Variants in AGBL2 observed in about 807,000 individuals in gnomAD.
AGBL2 encodes the protein cytosolic carboxypeptidase 2.
In AGBL2, 87 loss-of-function variants were observed where a neutral mutation model predicts 103.0. That is an observed-to-expected ratio of 0.84 (90% CI 0.71 to 1.01). The LOEUF is 1.01. Ranked by LOEUF, AGBL2 falls within the 50% of genes least tolerant of loss-of-function variation. The pLI, the probability that AGBL2 is intolerant of heterozygous loss-of-function variation, is 0.00. For missense variants in AGBL2, 904 were observed against 1,023.5 expected (o/e 0.88, Z 1.59); for synonymous variants, 335 against 356.7 (o/e 0.94, Z 0.69).
chr11:47,671,459 G>A (rs2097357214), intron 14 of AGBL2, among the ~76,000 whole-genome samples: 1 of 152,094 alleles, frequency 6.6e-6, no homozygotes, highest in Non-Finnish European at 1.5e-5. Flanking sequence ...GGTGGAGATT[G>A]CAGTGATGCA....
chr11:47,709,968 C>T (rs901984513), intron 4 of AGBL2, among the ~76,000 whole-genome samples: 1 of 151,994 alleles, frequency 6.6e-6, no homozygotes, highest in East Asian at 1.9e-4. Flanking sequence ...CGGCTCATTG[C>T]AACCTCCGCC....
rs34269602 is a variant in AGBL2, at chr11:47,670,694, TA to T, written c.2148-1788del. 1.3e-3 allele frequency among the ~76,000 whole-genome samples: 183 copies of T among 141,918 alleles called. 1 individual carries two copies. The highest frequency in any genetic ancestry group is 1.7e-3 in the Non-Finnish European group (112 of 65,372). The allele number at this position is 141,918 out of a possible 152,430, so 93.1% of individuals were successfully genotyped here. A position where few individuals can be genotyped will look rare whatever the true frequency, so the allele number is the denominator to read the frequency against. On this transcript the variant is annotated intron_variant, in intron 14 of 18. Transcript: ENST00000525123. Reference sequence around the variant, plus strand: ...CAACACAGTGATACCCTGTCTCTATTAAAAAAAAAAAAAGGGTGGCTGGGCA... The same window carrying T: ...CAACACAGTGATACCCTGTCTCTATTAAAAAAAAAAAAGGGTGGCTGGGCA...
intron 15 of AGBL2, among the ~76,000 whole-genome samples, 174 bp downstream of exon 15, chr11:47,668,667 G>A (rs1274471895): frequency 6.6e-6 from 1 of 152,174 alleles, no homozygotes; most frequent in African/African-American, 2.4e-5. Flanking sequence ...TAAAAATTAA[G>A]CAAGAAAGTT....
chr11:47,662,298 C>T (rs1476062766), intron 18 of AGBL2, among the ~76,000 whole-genome samples: 2 of 151,644 alleles, frequency 1.3e-5, no homozygotes, highest in African/African-American at 2.4e-5. Flanking sequence ...CTCAGCCTCC[C>T]GAGTAGCTGG....
intron 2 of AGBL2, 64 bp downstream of exon 2, chr11:47,714,554 G>A (rs1454134848): frequency 1.3e-6 from 2 of 1,550,234 alleles, no homozygotes; most frequent in Non-Finnish European, 1.8e-6. Flanking sequence ...AGATTTCTGT[G>A]GAGTTCCCGA....
intron 17 of AGBL2, among the ~76,000 whole-genome samples, chr11:47,666,122 G>A (rs1160826389): frequency 6.6e-6 from 1 of 151,166 alleles, no homozygotes; most frequent in Non-Finnish European, 1.5e-5. Flanking sequence ...GACTGGGCAT[G>A]GTAGCTCATG....
rs1440515781 is a variant in AGBL2, at chr11:47,678,343, A to ATTTTTTTTTTTTTTTTTTT, written c.2017-943_2017-942insAAAAAAAAAAAAAAAAAAA. On this transcript the variant is annotated intron_variant, in intron 13 of 18. Transcript: ENST00000525123. Reference sequence around the variant, plus strand: ...TTATTTTATTTTATTTTATTATTTTATTTTTTTTGAGACGGAGTCTTGCTC... The same window carrying ATTTTTTTTTTTTTTTTTTT: ...TTATTTTATTTTATTTTATTATTTTATTTTTTTTTTTTTTTTTTTTTTTTTTTGAGACGGAGTCTTGCTC... Among the ~76,000 whole-genome samples the ATTTTTTTTTTTTTTTTTTT allele has an allele frequency of 1.0e-3, 117 of 116,850 alleles. 1 individual carries two copies. Among genetic ancestry groups the ATTTTTTTTTTTTTTTTTTT allele is most frequent in the South Asian group, 6.1e-3 (17 of 2,782 alleles). The allele number at this position is 116,850 out of a possible 152,430, so 76.7% of individuals were successfully genotyped here.
At chr11:47,702,552 A>G (rs1737040255) in intron 7 of AGBL2, among the ~76,000 whole-genome samples, 1 of 152,146 alleles carries the variant, frequency 6.6e-6, no homozygotes, top group Non-Finnish European at 1.5e-5. Flanking sequence ...ACACATATGA[A>G]CGAATATTAT....
At chr11:47,677,746 C>A (rs113293036) in intron 13 of AGBL2, among the ~76,000 whole-genome samples, 1 of 152,146 alleles carries the variant, frequency 6.6e-6, no homozygotes, top group Admixed American at 6.6e-5. Context: ...AGCCATCATG[C>A]CTGGCCCATT....
chr11:47,687,810 T>TC (rs1249351229), intron 10 of AGBL2, among the ~76,000 whole-genome samples: 8 of 149,752 alleles, frequency 5.3e-5, no homozygotes, highest in South Asian at 2.1e-4. Context: ...TTTCTTTCTT[T>TC]TTTTTTTTTT....
chr11:47,701,049 CTG>C (rs2153804964), intron 7 of AGBL2, among the ~76,000 whole-genome samples: 1 of 150,376 alleles, frequency 6.6e-6, no homozygotes. Flanking sequence ...GAGTGAGACT[CTG>C]TCTCAAAAAA....
chr11:47,667,500 C>T (rs2097344440), intron 16 of AGBL2, 71 bp downstream of exon 16: 10 of 1,556,786 alleles, frequency 6.4e-6, no homozygotes, highest in South Asian at 1.2e-5. Context: ...TAAACTTTAA[C>T]CCCCTTTCCT....
chr11:47,690,477 C>T lies in AGBL2; in HGVS notation c.1230G>A (p.Val410=). The T allele has an allele frequency of 6.2e-7, 1 of 1,614,072 alleles. No individual in the cohort carries two copies. Among genetic ancestry groups the T allele is most frequent in the Non-Finnish European group, 8.5e-7 (1 of 1,180,012 alleles). The change falls in exon 10 of 19, where the codon GTG becomes GTA. Residue 410 remains valine, a synonymous_variant. Coordinates refer to ENST00000525123, the MANE Select transcript of AGBL2 (RefSeq NM_024783.4). ...ACTGAGACTGGATAGGGTTGTTTGC[C>T]ACTGACAGGAGGTAGCATTGCAAAT... The part of the protein sequence containing the change: ...YTDLQCYLLS[V]ANNPIQSQFC...
intron 13 of AGBL2, among the ~76,000 whole-genome samples, chr11:47,679,638 C>A (rs986546738): frequency 3.3e-5 from 5 of 151,662 alleles, no homozygotes; most frequent in Admixed American, 2.0e-4. Context: ...ACCACAGCAT[C>A]ATCATCACAT....
At chr11:47,697,903 G>T (rs953813565) in intron 8 of AGBL2, among the ~76,000 whole-genome samples, 13 of 136,674 alleles carry the variant, frequency 9.5e-5, no homozygotes, top group Non-Finnish European at 1.4e-4. Context: ...CCTTGTTGCC[G>T]AGGCTGGAGT....
In AGBL2 at chr11:47,680,816, A is replaced by AAAAC. The variant is rs2097398647; in HGVS notation, c.1916-747_1916-744dup. ...AAAACAAAACAAAACAAAACAAAAC[A>AAAAC]AAACAAAACACCTCTTATTCTAGAA... On this transcript the variant is annotated intron_variant, in intron 12 of 18. Coordinates refer to ENST00000525123, the MANE Select transcript of AGBL2 (RefSeq NM_024783.4). Among the ~76,000 whole-genome samples, 9 of 152,216 alleles carry AAAAC rather than the reference A, an allele frequency of 5.9e-5. No individual in the cohort carries two copies. In the South Asian group the frequency reaches 1.9e-3, roughly 32 times the overall value.
chr11:47,700,759 G>C (rs1171939559), intron 7 of AGBL2, among the ~76,000 whole-genome samples: 1 of 151,980 alleles, frequency 6.6e-6, no homozygotes. Flanking sequence ...AGGAAGTGAT[G>C]AGGCTTTCAC....
chr11:47,690,594 C>A lies in AGBL2; in HGVS notation c.1113G>T (p.Gln371His), dbSNP rs766123634. ...TCCACGTGAGACAGTAGAAGGGCTG[C>A]TGCCCATCATCCGTGTTGTTCTTGT... ...KYYKNNTDDGQQPFYCLTWTI... is the reference protein window; with the variant it reads ...KYYKNNTDDGHQPFYCLTWTI... Residue 371 changes from glutamine (Q) to histidine (H), a missense_variant, in exon 10 of 19, where the codon CAG (glutamine) becomes CAT (histidine). Transcript: ENST00000525123. 1 of 1,614,190 alleles carries A rather than the reference C, an allele frequency of 6.2e-7. No homozygotes were observed. The highest frequency in any genetic ancestry group is 1.3e-5 in the African/African-American group (1 of 75,032).
chr11:47,710,867 G>T, intron 3 of AGBL2: 1 of 460,924 alleles, frequency 2.2e-6, no homozygotes, highest in South Asian at 1.5e-5. Context: ...GGATGTGGAG[G>T]CCACTGCCCT....
Sources: allele counts gnomAD v4.1 joint callset (sites outside exome capture counted in the v4.1 genomes callset), GRCh38; gene constraint gnomAD v4.1.1; transcripts MANE v1.5; gene names NCBI Gene and HGNC (gene_info 2026-07-23, HGNC 2026-07-21).